Variants in TUBB8B observed in about 807,000 individuals in gnomAD.
The protein encoded by TUBB8B is HSA18p11 beta-tubulin 4Q pseudogene.
In TUBB8B, 26 loss-of-function variants were observed where a neutral mutation model predicts 31.9. The ratio of observed to expected loss-of-function variants is 0.81; its 90% CI spans 0.60 to 1.13. The LOEUF (loss-of-function observed/expected upper bound fraction) is 1.13, where lower values mean the gene tolerates loss of function less well. Ranked by LOEUF, TUBB8B falls within the 50% of genes most tolerant of loss-of-function variation. The pLI, the probability that TUBB8B is intolerant of heterozygous loss-of-function variation, is 0.00. For missense variants in TUBB8B, 467 were observed against 586.7 expected (o/e 0.80, Z 2.11); for synonymous variants, 173 against 231.0 (o/e 0.75, Z 2.28).
chr18:62,460 C>T, the TUBB8B span, among the ~76,000 whole-genome samples: 4 of 150,386 alleles, frequency 2.7e-5, no homozygotes, highest in African/African-American at 9.7e-5. Context: ...GCTCTGTAGC[C>T]CAGGCTGGAG....
chr18:63,424 T>C, the TUBB8B span, among the ~76,000 whole-genome samples: 1 of 151,650 alleles, frequency 6.6e-6, no homozygotes, highest in African/African-American at 2.4e-5. Context: ...TCTCTTCCCT[T>C]TCTTTCTCTG....
chr18:65,224 C>T, the TUBB8B span, among the ~76,000 whole-genome samples: 1 of 152,058 alleles, frequency 6.6e-6, no homozygotes, highest in East Asian at 1.9e-4. Context: ...TAGCTTGAAC[C>T]TGGGAGCCAG....
the TUBB8B span, among the ~76,000 whole-genome samples, chr18:57,513 T>C: frequency 1.3e-5 from 2 of 151,976 alleles, no homozygotes; most frequent in Admixed American, 6.5e-5. Flanking sequence ...TTAGACCTTG[T>C]GGCTTTGCAT....
In TUBB8B at chr18:47,616, T is replaced by A; in HGVS notation, c.1109A>T (p.Asn370Ile). 2 of 1,612,640 alleles carry A rather than the reference T, an allele frequency of 1.2e-6. No homozygotes were observed. Among genetic ancestry groups the A allele is most frequent in the Non-Finnish European group, 1.7e-6 (2 of 1,179,276 alleles). ...GLKMSATFIG[N>I]NAAIQELFTC... ...GAAGAGTTCCTGGATGGCCGCATTA[T>A]TCCCAATGAAGGTGGCTGACATTTT... Residue 370 changes from asparagine (N) to isoleucine (I), a missense_variant, in exon 4 of 4, where the codon AAT (asparagine) becomes ATT (isoleucine). By Grantham distance (149) the Asn-to-Ile change is moderately radical. This residue lies in a region of TUBB8B where 208 missense variants were observed against 206.7 expected (regional missense o/e 1.01). Coordinates refer to ENST00000308911, the MANE Select transcript of TUBB8B (RefSeq NM_001358689.2).
At position 47,556 on chromosome 18, in the gene TUBB8B, C is replaced by A. The variant is rs746774101; in HGVS notation, c.1169G>T (p.Arg390Met). The change falls in exon 4 of 4, where the codon AGG becomes ATG. Residue 390 changes from arginine to methionine, a missense_variant. By Grantham distance (91) the Arg-to-Met change is moderately conservative. This residue lies in a region of TUBB8B where 208 missense variants were observed against 206.7 expected (regional missense o/e 1.01). Coordinates refer to ENST00000308911, the MANE Select transcript of TUBB8B (RefSeq NM_001358689.2). ...GTACCAGTGGAGGAAGGCCTTGCGC[C>A]TGAACATTGCTGTAAACTGCTCTGA... Reference protein sequence around the residue: ...CVSEQFTAMFRRKAFLHWYTG... With the variant: ...CVSEQFTAMFMRKAFLHWYTG... 6.2e-7 allele frequency: 1 copy of A among 1,611,214 alleles called. No individual in the cohort carries two copies. Among genetic ancestry groups the A allele is most frequent in the Non-Finnish European group, 8.5e-7 (1 of 1,178,486 alleles).
chr18:61,289 A>G, the TUBB8B span, among the ~76,000 whole-genome samples: 1 of 151,510 alleles, frequency 6.6e-6, no homozygotes, highest in Non-Finnish European at 1.5e-5. Context: ...TTTGGTTTCT[A>G]TCGGCATGGA....
the TUBB8B span, among the ~76,000 whole-genome samples, chr18:63,727 C>T: frequency 2.1e-5 from 3 of 145,818 alleles, no homozygotes; most frequent in African/African-American, 5.2e-5. Context: ...AACCCTAACC[C>T]CTAACCCTAA....
At chr18:64,181 A>C in the TUBB8B span, among the ~76,000 whole-genome samples, 3 of 152,056 alleles carry the variant, frequency 2.0e-5, no homozygotes, top group Admixed American at 2.0e-4. Flanking sequence ...CCCTAAATCA[A>C]ACTCTAAGCA....
the TUBB8B span, among the ~76,000 whole-genome samples, chr18:60,586 C>T: frequency 3.4e-3 from 519 of 151,750 alleles, 5 homozygotes; most frequent in African/African-American, 0.012. Flanking sequence ...TTTATATAGG[C>T]ACTTACAGTT....
At chr18:62,870 T>A in the TUBB8B span, among the ~76,000 whole-genome samples, 1 of 151,838 alleles carries the variant, frequency 6.6e-6, no homozygotes, top group Non-Finnish European at 1.5e-5. Flanking sequence ...TTTCAAATAG[T>A]CTGACTTCAA....
At chr18:56,921 AG>A in the TUBB8B span, among the ~76,000 whole-genome samples, 4 of 151,864 alleles carry the variant, frequency 2.6e-5, no homozygotes, top group South Asian at 2.1e-4. Flanking sequence ...GTGTGAGGGC[AG>A]GGGGGAAGTG....
At chr18:56,883 A>T in the TUBB8B span, among the ~76,000 whole-genome samples, 1 of 151,920 alleles carries the variant, frequency 6.6e-6, no homozygotes, top group Non-Finnish European at 1.5e-5. Flanking sequence ...GTGAAAAATA[A>T]ATCTGGTGCT....
At chr18:56,586 A>T in the TUBB8B span, among the ~76,000 whole-genome samples, 2 of 151,718 alleles carry the variant, frequency 1.3e-5, no homozygotes, top group Non-Finnish European at 2.9e-5. Flanking sequence ...GCTATTGCAA[A>T]TAGGGTTACT....
the TUBB8B span, among the ~76,000 whole-genome samples, chr18:65,025 G>A: frequency 5.9e-5 from 9 of 152,098 alleles, no homozygotes; most frequent in Non-Finnish European, 8.8e-5. Flanking sequence ...AAGAGGCCAG[G>A]TGCGGTGGCT....
At chr18:51,100 G>A (rs1430517252), upstream of TUBB8B, among the ~76,000 whole-genome samples, 4 of 151,886 alleles carry the variant, frequency 2.6e-5, no homozygotes, top group African/African-American at 7.2e-5. Context: ...AGCTGAGGTC[G>A]AGGCCAGCAA....
chr18:67,310 T>C, the TUBB8B span, among the ~76,000 whole-genome samples: 1 of 152,170 alleles, frequency 6.6e-6, no homozygotes, highest in African/African-American at 2.4e-5. Context: ...GTACAAGTCT[T>C]GTACCTTGGT....
upstream of TUBB8B, among the ~76,000 whole-genome samples, chr18:54,265 ATAGT>A (rs1352632109): frequency 1.3e-4 from 20 of 151,856 alleles, no homozygotes; most frequent in South Asian, 2.1e-4. Context: ...TTATGGGTAC[ATAGT>A]TAGTGTATAT....
the TUBB8B span, among the ~76,000 whole-genome samples, chr18:56,540 C>A: frequency 1.3e-5 from 2 of 151,636 alleles, no homozygotes; most frequent in Admixed American, 1.3e-4. Flanking sequence ...ACTTTTATTT[C>A]TTTGGTAAAT....
At chr18:58,515 G>T in the TUBB8B span, among the ~76,000 whole-genome samples, 1 of 151,680 alleles carries the variant, frequency 6.6e-6, no homozygotes, top group South Asian at 2.1e-4. Context: ...AATGACCTTT[G>T]CTTCGATCCT....
Sources: gnomAD v4.1 joint callset for allele counts (sites outside exome capture counted in the v4.1 genomes callset) on GRCh38, gnomAD v4.1.1 for gene constraint, gnomAD v4.1.1 regional missense constraint, MANE v1.5 for transcripts, NCBI Gene and HGNC (gene_info 2026-07-23, HGNC 2026-07-21) for gene names.